Variants in AHCYL2 observed in about 807,000 individuals in gnomAD.
The protein encoded by AHCYL2 is adenosylhomocysteinase like 2.
In AHCYL2, 28 loss-of-function variants were observed where a neutral mutation model predicts 81.4. The ratio of observed to expected loss-of-function variants is 0.34; its 90% CI spans 0.25 to 0.47. The LOEUF (loss-of-function observed/expected upper bound fraction) is 0.47. Among genes scored for constraint, AHCYL2 ranks in the 20% least tolerant of loss-of-function variants. AHCYL2 has a pLI of 1.00. For missense variants in AHCYL2, 551 were observed against 785.1 expected (o/e 0.70, Z 3.56); for synonymous variants, 272 against 290.2 (o/e 0.94, Z 0.64).
chr7:129,363,024 C>T (rs181920219), intron 1 of AHCYL2, among the ~76,000 whole-genome samples: 8 of 152,146 alleles, frequency 5.3e-5, no homozygotes, highest in East Asian at 1.9e-4. Context: ...TCATGGATGA[C>T]GATAGTATCG....
intron 1 of AHCYL2, among the ~76,000 whole-genome samples, chr7:129,259,365 A>C (rs1795540157): frequency 1.3e-5 from 2 of 152,122 alleles, no homozygotes; most frequent in Non-Finnish European, 2.9e-5. Flanking sequence ...ATTATTTTAA[A>C]ATTTTTTTCA....
At chr7:129,323,188 CTT>C (rs1229823260) in intron 1 of AHCYL2, among the ~76,000 whole-genome samples, 2 of 152,014 alleles carry the variant, frequency 1.3e-5, no homozygotes, top group Admixed American at 6.6e-5. Flanking sequence ...TTATCTGAGA[CTT>C]TTCTTCTTTT....
chr7:129,226,300 C>T (rs1221816892), intron 1 of AHCYL2, among the ~76,000 whole-genome samples: 1 of 152,140 alleles, frequency 6.6e-6, no homozygotes, highest in African/African-American at 2.4e-5. Context: ...TGGATGATAG[C>T]CCTGTATTAC....
At chr7:129,347,299 C>T (rs186453219) in intron 1 of AHCYL2, among the ~76,000 whole-genome samples, 6 of 152,074 alleles carry the variant, frequency 3.9e-5, no homozygotes, top group East Asian at 1.9e-4. Context: ...GATAAAGATG[C>T]GTCAGTGTAG....
At chr7:129,240,139 C>T (rs1360059301) in intron 1 of AHCYL2, among the ~76,000 whole-genome samples, 1 of 151,944 alleles carries the variant, frequency 6.6e-6, no homozygotes, top group Non-Finnish European at 1.5e-5. Flanking sequence ...CGCTTGAACC[C>T]GGGAGGTGGA....
chr7:129,359,054 T>C (rs935523751), intron 1 of AHCYL2, among the ~76,000 whole-genome samples: 1 of 152,172 alleles, frequency 6.6e-6, no homozygotes, highest in African/African-American at 2.4e-5. Context: ...CATACAAGAA[T>C]GTTCACAGCA....
At chr7:129,403,930 A>G (rs1796170114) in intron 7 of AHCYL2, among the ~76,000 whole-genome samples, 1 of 147,640 alleles carries the variant, frequency 6.8e-6, no homozygotes, top group African/African-American at 2.5e-5. Flanking sequence ...TCAGCTTGCT[A>G]TGAGGTGACC....
chr7:129,364,179 G>A (rs1001888758), intron 1 of AHCYL2, among the ~76,000 whole-genome samples: 12 of 152,106 alleles, frequency 7.9e-5, no homozygotes, highest in Non-Finnish European at 1.6e-4. Flanking sequence ...TTCAAGCAAT[G>A]ATCACATCAC....
At chr7:129,414,489 C>T (rs1189079342) in intron 12 of AHCYL2, among the ~76,000 whole-genome samples, 5 of 143,938 alleles carry the variant, frequency 3.5e-5, no homozygotes, top group Admixed American at 7.4e-5. Flanking sequence ...GGCGCGGTCT[C>T]GGCTTACTGC....
intron 1 of AHCYL2, among the ~76,000 whole-genome samples, chr7:129,324,378 G>A (rs1295987195): frequency 1.3e-5 from 2 of 152,118 alleles, no homozygotes; most frequent in Non-Finnish European, 2.9e-5. Flanking sequence ...TATTCATATG[G>A]ATGTGTGTAA....
chr7:129,346,753 C>T (rs1793375543), intron 1 of AHCYL2, among the ~76,000 whole-genome samples: 1 of 152,128 alleles, frequency 6.6e-6, no homozygotes, highest in Non-Finnish European at 1.5e-5. Context: ...CATATTCTTA[C>T]CATACAATCC....
intron 1 of AHCYL2, among the ~76,000 whole-genome samples, chr7:129,244,918 T>C (rs755186632): frequency 3.9e-4 from 59 of 152,326 alleles, no homozygotes; most frequent in Admixed American, 9.8e-4. Flanking sequence ...GTTGGGCAAG[T>C]TCTTCCTAAT....
At chr7:129,309,291 C>T (rs1212310000) in intron 1 of AHCYL2, among the ~76,000 whole-genome samples, 1 of 151,786 alleles carries the variant, frequency 6.6e-6, no homozygotes, top group African/African-American at 2.4e-5. Flanking sequence ...GTAATCCCAG[C>T]ACTTTGGGAG....
chr7:129,237,556 ATTT>A (rs5887419), intron 1 of AHCYL2, among the ~76,000 whole-genome samples: 1 of 149,412 alleles, frequency 6.7e-6, no homozygotes, highest in East Asian at 1.9e-4. Flanking sequence ...TATTTTAGCG[ATTT>A]TTTTTTTTTG....
At chr7:129,416,356 TAGTG>T (rs1259264847) in intron 12 of AHCYL2, among the ~76,000 whole-genome samples, 2 of 152,110 alleles carry the variant, frequency 1.3e-5, no homozygotes, top group African/African-American at 4.8e-5. Context: ...GCTTATATCA[TAGTG>T]AGAAGAAAAT....
intron 1 of AHCYL2, 116 bp from the exon 2 acceptor site, chr7:129,379,522 G>C: frequency 1.4e-6 from 1 of 705,392 alleles, no homozygotes; most frequent in South Asian, 1.9e-5. Context: ...CCCAAACATA[G>C]GTTGATACAA....
chr7:129,422,992 C>T, intron 13 of AHCYL2, 54 bp downstream of exon 13: 6 of 1,479,026 alleles, frequency 4.1e-6, no homozygotes, highest in Middle Eastern at 3.5e-4. Context: ...ACTGCAATAC[C>T]CAGGTCCCCT....
chr7:129,234,352 C>T (rs1045735771), intron 1 of AHCYL2, among the ~76,000 whole-genome samples: 1 of 152,184 alleles, frequency 6.6e-6, no homozygotes, highest in Non-Finnish European at 1.5e-5. Context: ...TCAAGCAATT[C>T]TGCTGCCTCG....
intron 2 of AHCYL2, among the ~76,000 whole-genome samples, chr7:129,380,149 C>G (rs1794890097): frequency 6.6e-6 from 1 of 151,918 alleles, no homozygotes; most frequent in African/African-American, 2.4e-5. Context: ...ACAGGGAAAC[C>G]TCAATTGCCC....
Sources: gnomAD v4.1 joint callset for allele counts (sites outside exome capture counted in the v4.1 genomes callset) on GRCh38, gnomAD v4.1.1 for gene constraint, MANE v1.5 for transcripts, NCBI Gene and HGNC (gene_info 2026-07-23, HGNC 2026-07-21) for gene names.